Variants in P2RY12 observed in about 807,000 individuals in gnomAD.
The protein encoded by P2RY12 is purinergic receptor P2Y12.
In P2RY12, 3 loss-of-function variants were observed where a neutral mutation model predicts 4.5. That is an observed-to-expected ratio of 0.67 (90% CI 0.31 to 1.74). The LOEUF is 1.74. Among genes scored for constraint, P2RY12 ranks in the 40% most tolerant of loss-of-function variants. The pLI, the probability that P2RY12 is intolerant of heterozygous loss-of-function variation, is 0.09. For synonymous variants in P2RY12, 148 were observed against 154.1 expected (o/e 0.96, Z 0.29); for missense variants, 356 against 407.8 (o/e 0.87, Z 1.09).
chr3:151,364,185 T>C (rs967917460), intron 1 of P2RY12, among the ~76,000 whole-genome samples: 1 of 152,102 alleles, frequency 6.6e-6, no homozygotes, highest in African/African-American at 2.4e-5. Flanking sequence ...AATCTGAGAT[T>C]TTACATCAAA....
intron 1 of P2RY12, chr3:151,382,632 G>T: frequency 6.4e-7 from 1 of 1,566,146 alleles, no homozygotes; most frequent in East Asian, 2.3e-5. Context: ...AAACTTTAAT[G>T]GGGAGTTTTT....
chr3:151,357,184 T>G, intron 1 of P2RY12: 1 of 1,548,124 alleles, frequency 6.5e-7, no homozygotes, highest in Non-Finnish European at 8.7e-7. Context: ...GGCACCTACA[T>G]GTTTATTCAG....
intron 1 of P2RY12, among the ~76,000 whole-genome samples, chr3:151,380,974 A>C (rs1260199159): frequency 1.3e-5 from 2 of 152,182 alleles, no homozygotes; most frequent in African/African-American, 4.8e-5. Context: ...CACAAGAAAT[A>C]AATCAGAAGG....
At chr3:151,349,823 C>A (rs914044292) in intron 1 of P2RY12, among the ~76,000 whole-genome samples, 2 of 149,440 alleles carry the variant, frequency 1.3e-5, no homozygotes, top group Admixed American at 6.7e-5. Flanking sequence ...ACATCAAGTG[C>A]TTCTATTAAG....
At chr3:151,364,154 C>A (rs1385447800) in intron 1 of P2RY12, among the ~76,000 whole-genome samples, 1 of 152,172 alleles carries the variant, frequency 6.6e-6, no homozygotes, top group African/African-American at 2.4e-5. Context: ...AAGGTAAGCA[C>A]AAATGGCTAA....
At chr3:151,343,193 A>C (rs1752092918) in intron 1 of P2RY12, among the ~76,000 whole-genome samples, 1 of 152,220 alleles carries the variant, frequency 6.6e-6, no homozygotes, top group South Asian at 2.1e-4. Context: ...TAAATGCTAA[A>C]GGATGTTTAT....
intron 1 of P2RY12, among the ~76,000 whole-genome samples, chr3:151,362,305 C>G (rs781571032): frequency 7.2e-5 from 11 of 152,100 alleles, no homozygotes; most frequent in Non-Finnish European, 1.2e-4. Flanking sequence ...ATAAAATTCA[C>G]CATCCCTACC....
At chr3:151,368,699 C>T (rs201983218) in intron 1 of P2RY12, among the ~76,000 whole-genome samples, 4,602 of 35,870 alleles carry the variant, frequency 0.13, 116 homozygotes, top group South Asian at 0.2. Flanking sequence ...TATTTCATTT[C>T]ATTTCATTTC....
chr3:151,372,669 C>T, intron 1 of P2RY12: 4 of 1,613,860 alleles, frequency 2.5e-6, no homozygotes, highest in Non-Finnish European at 3.4e-6. Context: ...ATCTGGACTG[C>T]CTCACAAAAT....
At chr3:151,372,738 G>A in intron 1 of P2RY12, 1 of 1,613,630 alleles carries the variant, frequency 6.2e-7, no homozygotes, top group Middle Eastern at 1.7e-4. Context: ...GAATACGCTA[G>A]ATATGTACTG....
intron 1 of P2RY12, chr3:151,376,160 A>G: frequency 1.2e-6 from 2 of 1,609,222 alleles, no homozygotes; most frequent in Non-Finnish European, 8.5e-7. Flanking sequence ...ATGGCATTAA[A>G]GAATGTACCG....
At chr3:151,370,381 A>G (rs979611524) in intron 1 of P2RY12, among the ~76,000 whole-genome samples, 33 of 152,156 alleles carry the variant, frequency 2.2e-4, no homozygotes, top group African/African-American at 7.5e-4. Flanking sequence ...GATGAGTCCT[A>G]AATAACATGT....
chr3:151,377,483 T>C (rs538899008), intron 1 of P2RY12, among the ~76,000 whole-genome samples: 4 of 152,210 alleles, frequency 2.6e-5, no homozygotes, highest in Non-Finnish European at 4.4e-5. Flanking sequence ...TTTTCCACCA[T>C]TTTTATTAAT....
At chr3:151,372,804 A>G (rs1560093301) in intron 1 of P2RY12, 1 of 1,548,472 alleles carries the variant, frequency 6.5e-7, no homozygotes, top group Non-Finnish European at 8.9e-7. Context: ...TTGAGTACGT[A>G]ACTCTTCTTT....
At chr3:151,381,309 A>C (rs1439126971) in intron 1 of P2RY12, among the ~76,000 whole-genome samples, 2 of 152,172 alleles carry the variant, frequency 1.3e-5, no homozygotes, top group East Asian at 3.9e-4. Flanking sequence ...GGTAGGAGAG[A>C]TCTAGATATA....
At chr3:151,378,037 T>C (rs768776609) in intron 1 of P2RY12, 1 of 1,610,526 alleles carries the variant, frequency 6.2e-7, no homozygotes, top group Non-Finnish European at 8.5e-7. Context: ...GGGTGTATGG[T>C]TGGTGGCCCC....
At chr3:151,346,369 T>C (rs964025375) in intron 1 of P2RY12, among the ~76,000 whole-genome samples, 2 of 152,172 alleles carry the variant, frequency 1.3e-5, no homozygotes, top group African/African-American at 4.8e-5. Flanking sequence ...TTCATAACGC[T>C]CTTTCCTCTC....
intron 1 of P2RY12, chr3:151,355,838 T>G (rs762117617): frequency 1.4e-6 from 2 of 1,444,548 alleles, no homozygotes; most frequent in Non-Finnish European, 9.4e-7. Flanking sequence ...ATGATTTATC[T>G]TAGTAAAAGA....
intron 1 of P2RY12, chr3:151,380,292 A>C (rs944364022): frequency 1.8e-6 from 2 of 1,092,282 alleles, no homozygotes; most frequent in African/African-American, 3.2e-5. Flanking sequence ...TTGCCTTTCA[A>C]ATACTGAGAT....
Sources: allele counts gnomAD v4.1 joint callset (sites outside exome capture counted in the v4.1 genomes callset), GRCh38; gene constraint gnomAD v4.1.1; transcripts MANE v1.5; gene names NCBI Gene and HGNC (gene_info 2026-07-23, HGNC 2026-07-21).